Variants in ACBD3 observed in about 807,000 individuals in gnomAD.
The protein encoded by ACBD3 is acyl-CoA binding domain containing 3.
Under a neutral mutation model 66.9 loss-of-function variants are expected in ACBD3, and 30 were observed. That is an observed-to-expected ratio of 0.45 (90% confidence interval 0.34 to 0.61). The LOEUF is 0.61. ACBD3 is among the 20% of genes least tolerant of loss of function. The pLI is 0.02. For synonymous variants in ACBD3, 278 were observed against 259.8 expected (o/e 1.07, Z -0.68); for missense variants, 544 against 664.5 (o/e 0.82, Z 1.99).
chr1:226,185,620 TAA>T (rs35485594), intron 1 of ACBD3, among the ~76,000 whole-genome samples: 25 of 141,620 alleles, frequency 1.8e-4, no homozygotes, highest in South Asian at 6.6e-4. Flanking sequence ...ATCACCCAAT[TAA>T]AAAAAAAAAA....
intron 3 of ACBD3, among the ~76,000 whole-genome samples, chr1:226,164,116 TAAAAAAAAAAAA>T (rs1165905762): frequency 3.9e-5 from 2 of 51,582 alleles, no homozygotes; most frequent in South Asian, 1.6e-3. Context: ...GACTCCATCT[TAAAAAAAAAAAA>T]AAAAAAAAAA....
intron 6 of ACBD3, among the ~76,000 whole-genome samples, chr1:226,153,836 A>G (rs915769338): frequency 1.2e-4 from 19 of 152,212 alleles, no homozygotes; most frequent in African/African-American, 4.6e-4. Flanking sequence ...TGCACTTGTG[A>G]GGTCACCACC....
chr1:226,168,833 T>G (rs747488142), intron 1 of ACBD3, among the ~76,000 whole-genome samples: 3 of 152,220 alleles, frequency 2.0e-5, no homozygotes, highest in Non-Finnish European at 4.4e-5. Context: ...AGGTAATTAT[T>G]AGAGAAACAC....
chr1:226,166,037 C>T (rs746249713), intron 1 of ACBD3, 37 bp from the exon 2 acceptor site: 8 of 1,583,412 alleles, frequency 5.1e-6, no homozygotes, highest in Non-Finnish European at 5.1e-6. Flanking sequence ...ACAATTAGCA[C>T]AGGCAAAATA....
chr1:226,151,532 A>T (rs1659572237), intron 7 of ACBD3, among the ~76,000 whole-genome samples: 1 of 152,204 alleles, frequency 6.6e-6, no homozygotes, highest in African/African-American at 2.4e-5. Context: ...AAAAAATTCC[A>T]CTCTAGCAAA....
At chr1:226,186,348 G>A in intron 1 of ACBD3, 42 bp downstream of exon 1, 1 of 1,473,808 alleles carries the variant, frequency 6.8e-7, no homozygotes, top group Non-Finnish European at 9.0e-7. Flanking sequence ...CGGGCTCCCG[G>A]GGCCGGGCAG....
At chr1:226,171,973 T>C (rs1484489859) in intron 1 of ACBD3, among the ~76,000 whole-genome samples, 1 of 151,164 alleles carries the variant, frequency 6.6e-6, no homozygotes, top group Non-Finnish European at 1.5e-5. Context: ...CTGACTAACA[T>C]GAGAAACCCC....
rs1403589288 is a variant in ACBD3, at chr1:226,144,907, T to TTGTAATCAAAGG, written c.*1691_*1702dup. ...CATCTTAACATGTGCAAGGACAAAT[T>TTGTAATCAAAGG]TGTAATCAAAGGCTGGAAGAAATAT... On this transcript the variant is annotated 3_prime_UTR_variant, in exon 8 of 8. Coordinates refer to ENST00000366812, the MANE Select transcript of ACBD3 (RefSeq NM_022735.4). 2 of 152,620 alleles carry TTGTAATCAAAGG rather than the reference T, an allele frequency of 1.3e-5. No individual in the cohort carries two copies. Among genetic ancestry groups the TTGTAATCAAAGG allele is most frequent in the African/African-American group, 4.8e-5 (2 of 41,454 alleles). 9.5% of individuals were successfully genotyped at this position (152,620 alleles called of 1,614,324 possible).
intron 4 of ACBD3, among the ~76,000 whole-genome samples, chr1:226,160,187 G>A (rs1377819148): frequency 6.6e-6 from 1 of 151,654 alleles, no homozygotes; most frequent in Admixed American, 6.6e-5. Context: ...CACTTCCTAG[G>A]TTCAAGCGAT....
chr1:226,161,469 T>C (rs974313622), intron 4 of ACBD3, 62 bp downstream of exon 4: 1 of 1,601,062 alleles, frequency 6.2e-7, no homozygotes, highest in Non-Finnish European at 8.5e-7. Context: ...GCTCATTTCT[T>C]ATTTTTATTC....
intron 1 of ACBD3, among the ~76,000 whole-genome samples, chr1:226,173,184 A>C (rs1167388990): frequency 6.6e-6 from 1 of 152,044 alleles, no homozygotes; most frequent in Non-Finnish European, 1.5e-5. Context: ...AGATGAGAGG[A>C]TCCCTTGATC....
intron 1 of ACBD3, among the ~76,000 whole-genome samples, chr1:226,171,276 T>G (rs1659987849): frequency 6.6e-6 from 1 of 151,928 alleles, no homozygotes; most frequent in Admixed American, 6.6e-5. Flanking sequence ...GCCTCCCAAG[T>G]AGCTGGAATT....
intron 1 of ACBD3, among the ~76,000 whole-genome samples, chr1:226,173,563 G>A (rs1655915450): frequency 6.6e-6 from 1 of 151,564 alleles, no homozygotes; most frequent in Admixed American, 6.6e-5. Flanking sequence ...AGTTCACACA[G>A]TACTGAAGTT....
chr1:226,169,283 T>TG (rs1659940596), intron 1 of ACBD3, among the ~76,000 whole-genome samples: 1 of 152,056 alleles, frequency 6.6e-6, no homozygotes, highest in Admixed American at 6.5e-5. Context: ...AGTCTCGCTC[T>TG]GTCACCCAGG....
chr1:226,151,283 A>G (rs1659567553), intron 7 of ACBD3, among the ~76,000 whole-genome samples: 1 of 152,254 alleles, frequency 6.6e-6, no homozygotes, highest in South Asian at 2.1e-4. Flanking sequence ...GAACTGAGAC[A>G]TGGTGCTTTT....
intron 1 of ACBD3, 93 bp downstream of exon 1, chr1:226,186,297 G>C: frequency 7.2e-7 from 1 of 1,391,404 alleles, no homozygotes; most frequent in Non-Finnish European, 9.4e-7. Flanking sequence ...AGTGGGTGAG[G>C]GCAAGTCTGG....
intron 7 of ACBD3, 101 bp from the exon 8 acceptor site, chr1:226,146,922 T>A: frequency 1.7e-6 from 2 of 1,161,206 alleles, no homozygotes; most frequent in South Asian, 1.4e-5. Flanking sequence ...GACAGAGTCT[T>A]GCTCTGTCAC....
In ACBD3 at chr1:226,186,578, G is replaced by A. The variant is rs943178558; in HGVS notation, c.98C>T (p.Pro33Leu). Residue 33 changes from proline to leucine, a missense_variant, in exon 1 of 8, where the codon CCG becomes CTG. By Grantham distance (98) the Pro-to-Leu change is moderately conservative. This residue lies in a region of ACBD3 where 137 missense variants were observed against 145.9 expected (regional missense o/e 0.94). Transcript: ENST00000366812. ...PEERPGAEGA[P>L]LLPPPLPPPS... ...CGGTGGCAGCGGTGGCGGCAGCAGC[G>A]GGGCGCCCTCCGCCCCAGGCCGCTC... 2.2e-6 allele frequency: 3 copies of A among 1,372,720 alleles called. No individual in the cohort carries two copies. The highest frequency in any genetic ancestry group is 3.5e-5 in the South Asian group (2 of 57,656). 85.0% of individuals were successfully genotyped at this position (1,372,720 alleles called of 1,614,324 possible).
At chr1:226,166,099 C>A in intron 1 of ACBD3, 99 bp from the exon 2 acceptor site, 1 of 1,317,320 alleles carries the variant, frequency 7.6e-7, no homozygotes, top group South Asian at 1.6e-5. Context: ...ATGTCACAAA[C>A]TGCCTGTAAT....
Sources: gnomAD v4.1 joint callset for allele counts (sites outside exome capture counted in the v4.1 genomes callset) on GRCh38, gnomAD v4.1.1 for gene constraint, gnomAD v4.1.1 regional missense constraint, MANE v1.5 for transcripts, NCBI Gene and HGNC (gene_info 2026-07-23, HGNC 2026-07-21) for gene names.